Variants in CACNA2D1 observed in about 807,000 individuals in gnomAD.
The protein encoded by CACNA2D1 is calcium voltage-gated channel auxiliary subunit alpha2delta 1, also known as voltage-dependent calcium channel subunit alpha-2/delta-1.
A neutral mutation model predicts 171.5 loss-of-function variants in CACNA2D1; 53 were observed. The ratio of observed to expected loss-of-function variants is 0.31; its 90% CI spans 0.25 to 0.39. CACNA2D1 has a LOEUF of 0.39. Among genes scored for constraint, CACNA2D1 ranks in the 10% least tolerant of loss-of-function variants. The pLI is 1.00. For missense variants in CACNA2D1, 903 were observed against 1,299.8 expected (o/e 0.69, Z 4.69); for synonymous variants, 442 against 443.1 (o/e 1.00, Z 0.03).
chr7:82,053,031 T>A (rs898258768), intron 10 of CACNA2D1, among the ~76,000 whole-genome samples: 1 of 151,916 alleles, frequency 6.6e-6, no homozygotes, highest in African/African-American at 2.4e-5. Flanking sequence ...GGCGGGCGGA[T>A]CACAAGGTCA....
chr7:82,249,711 T>G (rs1290610765), intron 3 of CACNA2D1, among the ~76,000 whole-genome samples: 2 of 152,226 alleles, frequency 1.3e-5, no homozygotes, highest in African/African-American at 4.8e-5. Flanking sequence ...ATACCCTTGA[T>G]GTGATCTCTA....
intron 15 of CACNA2D1, 73 bp downstream of exon 15, chr7:82,012,081 A>G: frequency 1.1e-6 from 1 of 936,262 alleles, no homozygotes; most frequent in South Asian, 1.3e-5. Flanking sequence ...CAGAGACATC[A>G]TCTAGAAAGA....
At chr7:82,287,065 A>T (rs1057213464) in intron 3 of CACNA2D1, among the ~76,000 whole-genome samples, 1 of 152,160 alleles carries the variant, frequency 6.6e-6, no homozygotes, top group African/African-American at 2.4e-5. Flanking sequence ...TTTATTATTA[A>T]TTATCACTGT....
intron 1 of CACNA2D1, among the ~76,000 whole-genome samples, chr7:82,413,040 T>C (rs894530340): frequency 5.3e-5 from 8 of 152,252 alleles, no homozygotes; most frequent in Non-Finnish European, 8.8e-5. Flanking sequence ...TCTTAAAAAT[T>C]AGAGAAGTAC....
chr7:82,303,303 G>A (rs982052835), intron 3 of CACNA2D1, among the ~76,000 whole-genome samples: 6 of 151,848 alleles, frequency 4.0e-5, no homozygotes, highest in Non-Finnish European at 8.8e-5. Context: ...CACCACATCC[G>A]GCCAACATTT....
At chr7:82,264,981 T>C (rs1351408250) in intron 3 of CACNA2D1, among the ~76,000 whole-genome samples, 1 of 152,226 alleles carries the variant, frequency 6.6e-6, no homozygotes, top group Admixed American at 6.5e-5. Context: ...GGCATGTTCA[T>C]ATCACTGCAA....
intron 4 of CACNA2D1, among the ~76,000 whole-genome samples, chr7:82,150,511 T>C (rs1793748453): frequency 6.6e-6 from 1 of 152,094 alleles, no homozygotes; most frequent in Non-Finnish European, 1.5e-5. Context: ...GCATCATTTT[T>C]TTTCTATCTT....
At chr7:82,429,329 C>T (rs1360252382) in intron 1 of CACNA2D1, among the ~76,000 whole-genome samples, 1 of 151,778 alleles carries the variant, frequency 6.6e-6, no homozygotes, top group Non-Finnish European at 1.5e-5. Flanking sequence ...ATGTACATAT[C>T]TGTGTATGTG....
chr7:82,009,736 C>T (rs1044542414), intron 15 of CACNA2D1, among the ~76,000 whole-genome samples: 1 of 152,004 alleles, frequency 6.6e-6, no homozygotes, highest in African/African-American at 2.4e-5. Flanking sequence ...TTGGGCCCAA[C>T]TTGAATTTTT....
chr7:82,400,494 C>T (rs1193226147), intron 1 of CACNA2D1, among the ~76,000 whole-genome samples: 1 of 151,950 alleles, frequency 6.6e-6, no homozygotes, highest in African/African-American at 2.4e-5. Context: ...GGAAAACTGG[C>T]TAGCCATATG....
At chr7:82,298,087 C>A (rs1404210559) in intron 3 of CACNA2D1, among the ~76,000 whole-genome samples, 1 of 151,794 alleles carries the variant, frequency 6.6e-6, no homozygotes, top group Non-Finnish European at 1.5e-5. Context: ...ATGTTTGCAG[C>A]TATTGTAGAA....
intron 3 of CACNA2D1, among the ~76,000 whole-genome samples, chr7:82,206,001 C>T (rs746589412): frequency 7.2e-5 from 11 of 151,960 alleles, no homozygotes; most frequent in Non-Finnish European, 1.6e-4. Context: ...CAAGAATGTG[C>T]TTTTATCTGG....
intron 12 of CACNA2D1, among the ~76,000 whole-genome samples, chr7:82,016,157 T>C (rs2130966695): frequency 6.6e-6 from 1 of 152,324 alleles, no homozygotes; most frequent in South Asian, 2.1e-4. Flanking sequence ...TTTGGGTCTG[T>C]CTATAAATTT....
At chr7:82,198,776 T>C (rs1017516887) in intron 3 of CACNA2D1, among the ~76,000 whole-genome samples, 3 of 151,990 alleles carry the variant, frequency 2.0e-5, no homozygotes, top group Non-Finnish European at 4.4e-5. Flanking sequence ...TCTACTCTAT[T>C]AATACTATGC....
At chr7:82,388,241 T>C (rs1824653355) in intron 1 of CACNA2D1, among the ~76,000 whole-genome samples, 1 of 152,184 alleles carries the variant, frequency 6.6e-6, no homozygotes. Context: ...TTAGTAAATA[T>C]TCTAGAAATT....
intron 1 of CACNA2D1, among the ~76,000 whole-genome samples, chr7:82,403,555 T>C (rs3801668): frequency 0.047 from 7,144 of 152,272 alleles, 189 homozygotes; most frequent in Middle Eastern, 0.065. Context: ...CCCAATTTTA[T>C]ATCTGCATCC....
chr7:82,133,794 C>T (rs532498744), intron 5 of CACNA2D1, among the ~76,000 whole-genome samples: 7 of 152,186 alleles, frequency 4.6e-5, no homozygotes, highest in South Asian at 2.1e-4. Flanking sequence ...CATGCAGGGC[C>T]GGGCACGGTG....
In CACNA2D1 at chr7:82,042,074, C is replaced by T. The variant is rs1020978112; in HGVS notation, c.880-3839G>A. ...TAAATATATATTCAGTAGTGTATAA[C>T]AGAATTACTATAATTGCACTCATAG... On this transcript the variant is annotated intron_variant, in intron 10 of 38. Coordinates refer to ENST00000356860, the MANE Select transcript of CACNA2D1 (RefSeq NM_000722.4). Among the ~76,000 whole-genome samples the T allele has an allele frequency of 2.6e-5, 4 of 152,188 alleles. No individual in the cohort carries two copies. In the South Asian group the frequency reaches 6.2e-4, roughly 24 times the overall value.
intron 6 of CACNA2D1, among the ~76,000 whole-genome samples, chr7:82,111,428 G>GTGTATATATATATATATATA (rs1413914216): frequency 4.0e-5 from 2 of 50,416 alleles, no homozygotes; most frequent in African/African-American, 1.9e-4. Flanking sequence ...ATATATGTGT[G>GTGTATATATATATATATATA]TATATATATA....
Sources: allele counts gnomAD v4.1 joint callset (sites outside exome capture counted in the v4.1 genomes callset), GRCh38; gene constraint gnomAD v4.1.1; transcripts MANE v1.5; gene names NCBI Gene and HGNC (gene_info 2026-07-23, HGNC 2026-07-21).